Variants in CD46 observed in about 807,000 individuals in gnomAD.
The protein encoded by CD46 is CD46 molecule, also known as membrane cofactor protein.
A neutral mutation model predicts 53.3 loss-of-function variants in CD46; 30 were observed. The observed-to-expected ratio is 0.56, with a 90% confidence interval of 0.42 to 0.76. The LOEUF is 0.76. Among genes scored for constraint, CD46 ranks in the 30% least tolerant of loss-of-function variants. CD46 has a pLI of 0.00. For synonymous variants in CD46, 142 were observed against 152.0 expected, an observed-to-expected ratio of 0.93 and a Z score of 0.48; for missense variants, 409 against 463.0, an observed-to-expected ratio of 0.88 and a Z score of 1.07.
At chr1:207,787,374 A>G (rs555280527) in intron 11 of CD46, among the ~76,000 whole-genome samples, 1 of 152,236 alleles carries the variant, frequency 6.6e-6, no homozygotes, top group African/African-American at 2.4e-5. Flanking sequence ...GCCCGGCCTT[A>G]ATGGGTCTTT....
intron 5 of CD46, among the ~76,000 whole-genome samples, chr1:207,766,776 C>T (rs1375758749): frequency 6.6e-6 from 1 of 152,068 alleles, no homozygotes; most frequent in Non-Finnish European, 1.5e-5. Flanking sequence ...GCCAAGTTTT[C>T]TTAAGAAAAT....
intron 10 of CD46, 33 bp downstream of exon 10, chr1:207,785,139 C>CA: frequency 6.6e-7 from 1 of 1,525,034 alleles, no homozygotes; most frequent in Non-Finnish European, 9.1e-7. Flanking sequence ...CCACTTAAGT[C>CA]AAAAAATTAT....
intron 8 of CD46, among the ~76,000 whole-genome samples, chr1:207,772,391 A>G (rs913033512): frequency 3.3e-5 from 5 of 152,190 alleles, no homozygotes; most frequent in Middle Eastern, 3.4e-3. Context: ...AATACCCTTT[A>G]TTTCTTTTTC....
chr1:207,764,433 G>T (rs1332848226), intron 5 of CD46, among the ~76,000 whole-genome samples: 7 of 152,132 alleles, frequency 4.6e-5, no homozygotes, highest in Admixed American at 4.6e-4. Context: ...GTGAGGTGGG[G>T]GTGCCTACAC....
At chr1:207,782,794 C>T (rs1168682341) in intron 8 of CD46, among the ~76,000 whole-genome samples, 2 of 149,502 alleles carry the variant, frequency 1.3e-5, no homozygotes, top group East Asian at 2.0e-4. Flanking sequence ...ATTACAGGCA[C>T]GCACTACCAC....
At chr1:207,779,483 C>A (rs1001711863) in intron 8 of CD46, among the ~76,000 whole-genome samples, 2 of 152,016 alleles carry the variant, frequency 1.3e-5, no homozygotes, top group East Asian at 3.8e-4. Flanking sequence ...ATATACCATA[C>A]CTTATTTAAC....
chr1:207,788,647 C>A (rs1368275827), intron 11 of CD46, among the ~76,000 whole-genome samples: 4 of 152,198 alleles, frequency 2.6e-5, no homozygotes, highest in Non-Finnish European at 4.4e-5. Flanking sequence ...TATAAAATGT[C>A]TGGAGGCACT....
intron 11 of CD46, among the ~76,000 whole-genome samples, chr1:207,788,906 T>A (rs1334816830): frequency 6.6e-6 from 1 of 152,252 alleles, no homozygotes; most frequent in Non-Finnish European, 1.5e-5. Context: ...GCCACTTTTC[T>A]GTTTCATAGC....
intron 6 of CD46, 174 bp downstream of exon 6, chr1:207,767,369 C>T (rs1461621378): frequency 4.1e-6 from 3 of 737,260 alleles, no homozygotes; most frequent in Non-Finnish European, 6.9e-6. Context: ...ACGAAATTCA[C>T]ATAAAATTCT....
At chr1:207,754,862 T>TA (rs1442498175) in intron 1 of CD46, among the ~76,000 whole-genome samples, 1 of 151,198 alleles carries the variant, frequency 6.6e-6, no homozygotes. Context: ...AGGACTTTTT[T>TA]TTTTTTCTTT....
At chr1:207,757,462 G>A (rs1427776029) in intron 2 of CD46, 78 bp from the exon 3 acceptor site, 11 of 911,838 alleles carry the variant, frequency 1.2e-5, no homozygotes, top group Non-Finnish European at 1.8e-5. Flanking sequence ...CCATTCAAAA[G>A]AGCACTGCAG....
intron 1 of CD46, among the ~76,000 whole-genome samples, chr1:207,756,810 A>G (rs1655594506): frequency 6.6e-6 from 1 of 152,244 alleles, no homozygotes; most frequent in African/African-American, 2.4e-5. Context: ...AACAAACCAA[A>G]AGCTAATAGG....
chr1:207,754,495 A>G (rs142513689), intron 1 of CD46, among the ~76,000 whole-genome samples: 41 of 152,312 alleles, frequency 2.7e-4, no homozygotes, highest in African/African-American at 9.1e-4. Context: ...GTCAGAATGC[A>G]GGGATCCTGT....
chr1:207,793,345 A>G (rs540429718), intron 12 of CD46, among the ~76,000 whole-genome samples, 174 bp from the exon 13 acceptor site: 3 of 152,196 alleles, frequency 2.0e-5, no homozygotes, highest in Non-Finnish European at 4.4e-5. Flanking sequence ...GGTTTTTTTT[A>G]CAGTGAGACC....
intron 9 of CD46, among the ~76,000 whole-genome samples, chr1:207,784,759 C>T (rs1019112297): frequency 5.3e-5 from 8 of 152,162 alleles, no homozygotes; most frequent in Admixed American, 2.0e-4. Context: ...GGGAAGCAAA[C>T]ACATTCTTCT....
At chr1:207,791,641 C>T (rs750047371) in intron 12 of CD46, among the ~76,000 whole-genome samples, 2 of 152,200 alleles carry the variant, frequency 1.3e-5, no homozygotes, top group Non-Finnish European at 2.9e-5. Context: ...TATTTTTGAC[C>T]GTATTTGACT....
At chr1:207,766,882 T>G in intron 5 of CD46, 131 bp from the exon 6 acceptor site, 1 of 700,204 alleles carries the variant, frequency 1.4e-6, no homozygotes, top group Non-Finnish European at 2.5e-6. Flanking sequence ...ACATTTAAAG[T>G]CTTTTAAAAA....
chr1:207,780,408 G>A (rs962077483), intron 8 of CD46, among the ~76,000 whole-genome samples: 4 of 151,954 alleles, frequency 2.6e-5, no homozygotes, highest in South Asian at 2.1e-4. Flanking sequence ...ATAATAGTTC[G>A]TTATATGTAT....
At position 207,787,101 on chromosome 1, in the gene CD46, T is replaced by C. The variant is rs144140978; in HGVS notation, c.1082+1419T>C. Among the ~76,000 whole-genome samples the C allele has an allele frequency of 5.0e-4, 76 of 152,292 alleles. No individual in the cohort carries two copies. The East Asian group carries it at 0.014, about 27-fold the overall frequency. On this transcript the variant is annotated intron_variant, in intron 11 of 12. Coordinates refer to ENST00000367042, the MANE Select transcript of CD46 (RefSeq NM_172351.3). ...TTTTTTGCTTTTTTGTGATGGAGTC[T>C]TGCTCTGTCACCCAGGCTGGAGTGC...
Sources: allele counts gnomAD v4.1 joint callset (sites outside exome capture counted in the v4.1 genomes callset), GRCh38; gene constraint gnomAD v4.1.1; transcripts MANE v1.5; gene names NCBI Gene and HGNC (gene_info 2026-07-23, HGNC 2026-07-21).